TRAF3IP1: variants seen among roughly 807,000 people sequenced by gnomAD.
The protein encoded by TRAF3IP1 is intraflagellar transport 54.
TRAF3IP1 carries 53 observed loss-of-function variants against 89.9 expected under a neutral mutation model. That is an observed-to-expected ratio of 0.59 (90% CI 0.47 to 0.74). TRAF3IP1 has a LOEUF of 0.74. Ranked by LOEUF, TRAF3IP1 falls within the 30% of genes least tolerant of loss-of-function variation. The pLI, the probability that TRAF3IP1 is intolerant of heterozygous loss-of-function variation, is 0.00. For missense variants in TRAF3IP1, 806 were observed against 866.1 expected (o/e 0.93, Z 0.87); for synonymous variants, 311 against 322.1 (o/e 0.97, Z 0.37).
chr2:238,383,585 C>T (rs955434679), intron 15 of TRAF3IP1, among the ~76,000 whole-genome samples: 1 of 152,136 alleles, frequency 6.6e-6, no homozygotes, highest in East Asian at 1.9e-4. Context: ...ATCTTGCCCA[C>T]GTATTTTTTA....
chr2:238,351,834 G>GGTGTGTGTGTGT lies in TRAF3IP1; in HGVS notation c.1452-971_1452-960dup, dbSNP rs10527993. Among the ~76,000 whole-genome samples the GGTGTGTGTGTGT allele has an allele frequency of 3.6e-3, 501 of 140,946 alleles. 5 individuals are homozygous for GGTGTGTGTGTGT. The highest frequency in any genetic ancestry group is 0.013 in the African/African-American group (483 of 38,004). The allele number at this position is 140,946 out of a possible 152,430, so 92.5% of individuals were successfully genotyped here. A position where few individuals can be genotyped will look rare whatever the true frequency, so the allele number is the denominator to read the frequency against. On this transcript the variant is annotated intron_variant, in intron 12 of 16. Transcript: ENST00000373327. The surrounding 1 kb of genome is among the most constrained non-coding windows in gnomAD (Gnocchi z 5.2). ...TGGCACTGAAGCAAGGGAGGATTTT[G>GGTGTGTGTGTGT]GTGTGTGTGTGTGTGTGTGTGTGTG... is the stretch of plus-strand genomic sequence containing the variant.
Position 238,399,027 on chromosome 2 carries a change from T to C in TRAF3IP1, c.*108T>C. 2.0e-6 allele frequency: 2 copies of C among 984,516 alleles called. No homozygotes were observed. Among genetic ancestry groups the C allele is most frequent in the Non-Finnish European group, 2.9e-6 (2 of 681,626 alleles). The allele number at this position is 984,516 out of a possible 1,614,324, so 61.0% of individuals were successfully genotyped here. A position where few individuals can be genotyped will look rare whatever the true frequency, so the allele number is the denominator to read the frequency against. On this transcript the variant is annotated 3_prime_UTR_variant, in exon 17 of 17. Transcript: ENST00000373327. Reference sequence around the variant, plus strand: ...CAGTTTGCTAAGAAAATGAACAGTTTACAATGTTATTATCCAGCTAATTTT... The same window carrying C: ...CAGTTTGCTAAGAAAATGAACAGTTCACAATGTTATTATCCAGCTAATTTT...
intron 5 of TRAF3IP1, among the ~76,000 whole-genome samples, chr2:238,331,008 A>G (rs867154474): frequency 1.3e-5 from 2 of 152,070 alleles, no homozygotes; most frequent in South Asian, 4.1e-4. Flanking sequence ...AGGCACTAGT[A>G]TATTCGGGTG....
At chr2:238,348,330 C>T (rs1190811700) in intron 10 of TRAF3IP1, among the ~76,000 whole-genome samples, 1 of 152,012 alleles carries the variant, frequency 6.6e-6, no homozygotes, top group African/African-American at 2.4e-5. Context: ...TATTACTGTA[C>T]TGGATTGTTT....
chr2:238,384,205 C>G (rs1443188580), intron 15 of TRAF3IP1, among the ~76,000 whole-genome samples: 1 of 152,046 alleles, frequency 6.6e-6, no homozygotes, highest in Non-Finnish European at 1.5e-5. Context: ...CCTGAGTGTC[C>G]CTTGTCTCGG....
Position 238,397,468 on chromosome 2 carries a change from C to T in TRAF3IP1, c.1699C>T (p.Leu567Phe), listed in dbSNP as rs1170711275. The T allele has an allele frequency of 6.2e-7, 1 of 1,612,826 alleles. No individual in the cohort carries two copies. Among genetic ancestry groups the T allele is most frequent in the Non-Finnish European group, 8.5e-7 (1 of 1,179,876 alleles). The change falls in exon 16 of 17, where the codon CTC becomes TTC. Residue 567 changes from leucine (L) to phenylalanine (F), a missense_variant. Physicochemically the swap from Leu to Phe is conservative, Grantham distance 22 (BLOSUM62 0). This residue lies in a region of TRAF3IP1 where 732 missense variants were observed against 780.5 expected (regional missense o/e 0.94). Coordinates refer to ENST00000373327, the MANE Select transcript of TRAF3IP1 (RefSeq NM_015650.4). ...GTCTCCCTGACTGTAGGAGCGATCT[C>T]TCTTTGAGTCGGCATGGAAGAAGGA... ...SPKPGEKERSLFESAWKKEKD... is the reference protein window; with the variant it reads ...SPKPGEKERSFFESAWKKEKD...
chr2:238,387,126 C>T (rs748244150), intron 15 of TRAF3IP1, among the ~76,000 whole-genome samples: 4 of 152,308 alleles, frequency 2.6e-5, no homozygotes, highest in Middle Eastern at 6.8e-3. Flanking sequence ...ACAAAAGTTA[C>T]CTAGTCCAAG....
chr2:238,337,532 G>T (rs78413181), intron 7 of TRAF3IP1, among the ~76,000 whole-genome samples: 1 of 152,238 alleles, frequency 6.6e-6, no homozygotes, highest in Non-Finnish European at 1.5e-5. Context: ...GTTGTAGAAG[G>T]CCTCCTTTTA....
At chr2:238,364,913 A>T (rs1031868657) in intron 15 of TRAF3IP1, among the ~76,000 whole-genome samples, 1 of 152,338 alleles carries the variant, frequency 6.6e-6, no homozygotes, top group East Asian at 1.9e-4. Flanking sequence ...ATTCTGAAAG[A>T]AAGTTGTAAT....
At position 238,320,569 on chromosome 2, in the gene TRAF3IP1, G is replaced by GCGGCGGCGGGGC. The variant is rs1697467047; in HGVS notation, c.-84_-73dup. On this transcript the variant is annotated 5_prime_UTR_variant, in exon 1 of 17. Transcript: ENST00000373327. Reference sequence around the variant, plus strand: ...CGCGTCCTGGCAGGACCGGGCGGCGGCGGCGGCGGGGCCGGCGGCGGCCAG... The same window carrying GCGGCGGCGGGGC: ...CGCGTCCTGGCAGGACCGGGCGGCGGCGGCGGCGGGGCCGGCGGCGGGGCCGGCGGCGGCCAG... 13 of 1,051,974 alleles carry GCGGCGGCGGGGC rather than the reference G, an allele frequency of 1.2e-5. No homozygotes were observed. The highest frequency in any genetic ancestry group is 4.4e-5 in the South Asian group (1 of 22,862). 65.2% of individuals were successfully genotyped at this position (1,051,974 alleles called of 1,614,324 possible). A position where few individuals can be genotyped will look rare whatever the true frequency, so the allele number is the denominator to read the frequency against.
chr2:238,341,452 T>TA (rs1248875483), intron 8 of TRAF3IP1, among the ~76,000 whole-genome samples: 7 of 152,200 alleles, frequency 4.6e-5, no homozygotes, highest in African/African-American at 1.7e-4. Context: ...AAGTATTGTC[T>TA]AACTGAACTC....
intron 15 of TRAF3IP1, among the ~76,000 whole-genome samples, chr2:238,390,781 G>A (rs1243091072): frequency 6.6e-6 from 1 of 152,046 alleles, no homozygotes; most frequent in East Asian, 1.9e-4. Flanking sequence ...AGGAAGCTGA[G>A]GTACAGAGAG....
chr2:238,374,056 T>C (rs950071122), intron 15 of TRAF3IP1, among the ~76,000 whole-genome samples: 3 of 152,228 alleles, frequency 2.0e-5, no homozygotes, highest in Non-Finnish European at 2.9e-5. Flanking sequence ...TTTCTAAATA[T>C]ACCATCATGT....
intron 15 of TRAF3IP1, among the ~76,000 whole-genome samples, chr2:238,386,399 G>A (rs1025810893): frequency 1.3e-5 from 2 of 151,994 alleles, no homozygotes; most frequent in Admixed American, 6.6e-5. Context: ...TGCAACCTCC[G>A]CCTCCCAGGT....
chr2:238,341,260 G>T (rs911930457), intron 8 of TRAF3IP1, among the ~76,000 whole-genome samples: 1 of 150,588 alleles, frequency 6.6e-6, no homozygotes, highest in Non-Finnish European at 1.5e-5. Flanking sequence ...GGGCTCAAGT[G>T]ATCCTTTCAC....
rs1292104788 is a variant in TRAF3IP1, at chr2:238,379,663, C to T, written c.1690-17796C>T. ...AGGTTTAGACGGTGGTTTCCTCCCC[C>T]GCTCACATGCCAGCCATTCAGTTCA... On this transcript the variant is annotated intron_variant, in intron 15 of 16. Transcript: ENST00000373327. The surrounding 1 kb of genome is among the most constrained non-coding windows in gnomAD (Gnocchi z 4.0). Among the ~76,000 whole-genome samples the T allele has an allele frequency of 3.9e-5, 6 of 152,198 alleles. No individual in the cohort carries two copies. Among genetic ancestry groups the T allele is most frequent in the South Asian group, 2.1e-4 (1 of 4,828 alleles).
In TRAF3IP1 at chr2:238,352,918, C is replaced by T. The variant is rs1245844265; in HGVS notation, c.1543C>T (p.Pro515Ser). The T allele has an allele frequency of 6.2e-7, 1 of 1,612,796 alleles. No individual in the cohort carries two copies. The highest frequency in any genetic ancestry group is 8.5e-7 in the Non-Finnish European group (1 of 1,179,666). ...TGATCAATTTGTGGTGGAAGCTGCCCCTCAGCTCTCTGAAATGTCAGAAAT... is the reference window on the plus strand; with the variant it reads ...TGATCAATTTGTGGTGGAAGCTGCCTCTCAGCTCTCTGAAATGTCAGAAAT... The part of the protein sequence containing the change: ...EDDQFVVEAA[P>S]QLSEMSEIEM... The change falls in exon 13 of 17, where the codon CCT (proline) becomes TCT (serine). Residue 515 changes from proline to serine, a missense_variant. Physicochemically the swap from Pro to Ser is moderately conservative, Grantham distance 74. Around this residue, in one of 3 missense-constraint regions of TRAF3IP1, gnomAD observed 732 missense variants for 780.5 expected, o/e 0.94. Coordinates refer to ENST00000373327, the MANE Select transcript of TRAF3IP1 (RefSeq NM_015650.4).
At chr2:238,324,741 C>G (rs996731698) in intron 1 of TRAF3IP1, among the ~76,000 whole-genome samples, 18 of 151,868 alleles carry the variant, frequency 1.2e-4, no homozygotes, top group Non-Finnish European at 1.5e-4. Flanking sequence ...GTAGTTGGGA[C>G]TATAGGCGAG....
chr2:238,373,184 G>A (rs2106353836), intron 15 of TRAF3IP1, among the ~76,000 whole-genome samples: 1 of 152,286 alleles, frequency 6.6e-6, no homozygotes, highest in South Asian at 2.1e-4. Flanking sequence ...TGCTTTTGGT[G>A]TTTTAGTCAT....
Sources: gnomAD v4.1 joint callset for allele counts (sites outside exome capture counted in the v4.1 genomes callset) on GRCh38, gnomAD v4.1.1 for gene constraint, gnomAD v4.1.1 regional missense constraint, Gnocchi (gnomAD v3.1) non-coding constraint, MANE v1.5 for transcripts, NCBI Gene and HGNC (gene_info 2026-07-23, HGNC 2026-07-21) for gene names.